Variants in CMIP observed in about 807,000 individuals in gnomAD.
The protein encoded by CMIP is c-Maf inducing protein, also known as C-Maf-inducing protein.
In CMIP, 13 loss-of-function variants were observed where a neutral mutation model predicts 97.3. That is an observed-to-expected ratio of 0.13 (90% CI 0.09 to 0.21). The LOEUF is 0.21. CMIP is among the 10% of genes least tolerant of loss of function. CMIP has a pLI of 1.00. For missense variants in CMIP, 847 were observed against 1,024.9 expected, an observed-to-expected ratio of 0.83 and a Z score of 2.37; for synonymous variants, 538 against 436.3, an observed-to-expected ratio of 1.23 and a Z score of -2.91.
chr16:81,640,170 T>C (rs1469366246), intron 3 of CMIP, among the ~76,000 whole-genome samples: 2 of 152,108 alleles, frequency 1.3e-5, no homozygotes, highest in Non-Finnish European at 2.9e-5. Context: ...GTGTGCCGTT[T>C]CTGACGCAGG....
At chr16:81,681,458 C>T (rs576247136) in intron 10 of CMIP, among the ~76,000 whole-genome samples, 3 of 152,196 alleles carry the variant, frequency 2.0e-5, no homozygotes, top group Non-Finnish European at 2.9e-5. Flanking sequence ...TCTGAGCCTC[C>T]GGTCCCAGGC....
chr16:81,460,439 C>A (rs1054389179), intron 1 of CMIP, among the ~76,000 whole-genome samples: 3 of 152,150 alleles, frequency 2.0e-5, no homozygotes, highest in African/African-American at 7.2e-5. Context: ...GATAGAAATA[C>A]ATGGGGGAGA....
chr16:81,450,369 G>C (rs1906133535), intron 1 of CMIP, among the ~76,000 whole-genome samples: 1 of 152,124 alleles, frequency 6.6e-6, no homozygotes. Context: ...GGATTTGAAG[G>C]GTGCAGTTTC....
chr16:81,583,998 A>T (rs2091339644), intron 1 of CMIP, among the ~76,000 whole-genome samples: 2 of 152,214 alleles, frequency 1.3e-5, no homozygotes, highest in African/African-American at 4.8e-5. Flanking sequence ...GAGGTAGGAT[A>T]GAGGGCAAGG....
intron 1 of CMIP, among the ~76,000 whole-genome samples, chr16:81,543,177 G>A (rs1191474847): frequency 6.6e-6 from 1 of 152,196 alleles, no homozygotes; most frequent in African/African-American, 2.4e-5. Flanking sequence ...CCAGGTGAGC[G>A]CATCTGAGAG....
At chr16:81,471,409 T>TAC (rs1031569589) in intron 1 of CMIP, among the ~76,000 whole-genome samples, 2 of 138,972 alleles carry the variant, frequency 1.4e-5, no homozygotes, top group African/African-American at 5.0e-5. Context: ...TACAAATGCA[T>TAC]ACACACATAC....
In CMIP at chr16:81,655,014, T is replaced by A. The variant is rs1317762805; in HGVS notation, c.639+2650T>A. Among the ~76,000 whole-genome samples, 2 of 152,216 alleles carry A rather than the reference T, an allele frequency of 1.3e-5. No homozygotes were observed. The highest frequency in any genetic ancestry group is 2.4e-5 in the African/African-American group (1 of 41,448). ...GTAAATTGGGTCTGAGACGAGTACC[T>A]ATTTCACAGAATTGAAGATGCGATC... On this transcript the variant is annotated intron_variant, in intron 4 of 20. Coordinates refer to ENST00000537098, the MANE Select transcript of CMIP (RefSeq NM_198390.3). This position sits in a 1 kb window ranked among gnomAD's most constrained non-coding sequence, Gnocchi z 4.9.
intron 2 of CMIP, chr16:81,619,276 C>G (rs879683818): frequency 6.6e-6 from 1 of 152,220 alleles, no homozygotes; most frequent in African/African-American, 2.4e-5. Flanking sequence ...TCCCTGAGCT[C>G]ACTCACCAGA....
At position 81,621,003 on chromosome 16, in the gene CMIP, A is replaced by G. The variant is rs2091985000; in HGVS notation, c.477+77A>G. 1.3e-6 allele frequency: 2 copies of G among 1,574,290 alleles called. No individual in the cohort carries two copies. The highest frequency in any genetic ancestry group is 8.7e-7 in the Non-Finnish European group (1 of 1,148,626). On this transcript the variant is annotated intron_variant, in intron 3 of 20. Transcript: ENST00000537098. This position sits in a 1 kb window ranked among gnomAD's most constrained non-coding sequence, Gnocchi z 4.1. ...GGCTTAAAGCCAATCTGTCACCCAG[A>G]GGCATGAAAGTGGAGAACTCATGCC...
chr16:81,598,817 A>C (rs1034805063), intron 1 of CMIP, among the ~76,000 whole-genome samples: 20 of 151,952 alleles, frequency 1.3e-4, no homozygotes, highest in African/African-American at 4.8e-4. Context: ...AAAATAACAA[A>C]AATTATCTGG....
In CMIP at chr16:81,480,399, G is replaced by T. The variant is rs974953354; in HGVS notation, c.300+34858G>T. On this transcript the variant is annotated intron_variant, in intron 1 of 20. Coordinates refer to ENST00000537098, the MANE Select transcript of CMIP (RefSeq NM_198390.3). ...TACTAAAAATATAAAAATTAGCCAGGCGTGGTGACACACACCTGTAATCCT... is the reference window on the plus strand; with the variant it reads ...TACTAAAAATATAAAAATTAGCCAGTCGTGGTGACACACACCTGTAATCCT... 6.6e-5 allele frequency among the ~76,000 whole-genome samples: 10 copies of T among 152,170 alleles called. 1 individual carries two copies. Among genetic ancestry groups the T allele is most frequent in the Non-Finnish European group, 1.3e-4 (9 of 68,036 alleles).
At position 81,453,670 on chromosome 16, in the gene CMIP, G is replaced by C. The variant is rs994498640; in HGVS notation, c.300+8129G>C. Among the ~76,000 whole-genome samples the C allele has an allele frequency of 3.9e-5, 6 of 152,356 alleles. No individual in the cohort carries two copies. The highest frequency in any genetic ancestry group is 6.5e-5 in the Admixed American group (1 of 15,312). On this transcript the variant is annotated intron_variant, in intron 1 of 20. Transcript: ENST00000537098. The surrounding 1 kb of genome is among the most constrained non-coding windows in gnomAD (Gnocchi z 4.0). Reference sequence around the variant, plus strand: ...TGTGTGTTCCCCAGGCAGGCTAGCTGCCGTAACACGCAGCCCTGGCATCTG... The same window carrying C: ...TGTGTGTTCCCCAGGCAGGCTAGCTCCCGTAACACGCAGCCCTGGCATCTG...
At chr16:81,685,130 C>T (rs1418487047) in intron 10 of CMIP, among the ~76,000 whole-genome samples, 1 of 152,246 alleles carries the variant, frequency 6.6e-6, no homozygotes, top group Non-Finnish European at 1.5e-5. Context: ...GCCCCCCATT[C>T]ATCCACCAAC....
intron 1 of CMIP, among the ~76,000 whole-genome samples, chr16:81,455,493 C>T (rs2150732872): frequency 6.6e-6 from 1 of 152,362 alleles, no homozygotes; most frequent in South Asian, 2.1e-4. Flanking sequence ...ATCTCTACCC[C>T]TCCACTTCCT....
intron 1 of CMIP, among the ~76,000 whole-genome samples, chr16:81,582,648 C>T (rs909337732): frequency 3.9e-5 from 6 of 152,228 alleles, no homozygotes; most frequent in East Asian, 3.9e-4. Flanking sequence ...ACCAAAGTCA[C>T]GGTGGCTGCC....
chr16:81,620,849 C>A, intron 2 of CMIP, 27 bp from the exon 3 acceptor site: 1 of 1,613,748 alleles, frequency 6.2e-7, no homozygotes, highest in South Asian at 1.1e-5. Context: ...ATGACCGGAC[C>A]TTGCTGTCCT....
intron 1 of CMIP, among the ~76,000 whole-genome samples, chr16:81,484,555 G>A (rs545553279): frequency 6.6e-6 from 1 of 152,326 alleles, no homozygotes; most frequent in African/African-American, 2.4e-5. Context: ...CTTGGGCCAC[G>A]AGGGTGGGGG....
At chr16:81,651,364 A>G (rs1156801924) in intron 3 of CMIP, 1 of 948,026 alleles carries the variant, frequency 1.1e-6, no homozygotes, top group Non-Finnish European at 1.3e-6. Flanking sequence ...TCTGCCTCAA[A>G]TCCAGGGAGG....
intron 1 of CMIP, among the ~76,000 whole-genome samples, chr16:81,454,161 G>T (rs902858788): frequency 6.6e-6 from 1 of 152,218 alleles, no homozygotes; most frequent in Non-Finnish European, 1.5e-5. Flanking sequence ...GAGCAAATCC[G>T]TTGTAAGAGA....
Sources: gnomAD v4.1 joint callset for allele counts (sites outside exome capture counted in the v4.1 genomes callset) on GRCh38, gnomAD v4.1.1 for gene constraint, Gnocchi (gnomAD v3.1) non-coding constraint, MANE v1.5 for transcripts, NCBI Gene and HGNC (gene_info 2026-07-23, HGNC 2026-07-21) for gene names.